The following GALNTL6 variants were observed in gnomAD, a reference collection of about 807,000 sequenced individuals.
GALNTL6 encodes the protein polypeptide N-acetylgalactosaminyltransferase-like 6.
Under a neutral mutation model 73.7 loss-of-function variants are expected in GALNTL6, and 46 were observed. The ratio of observed to expected loss-of-function variants is 0.62; its 90% CI spans 0.49 to 0.80. The LOEUF (loss-of-function observed/expected upper bound fraction) is 0.80, where lower values mean the gene tolerates loss of function less well. Among genes scored for constraint, GALNTL6 ranks in the 30% least tolerant of loss-of-function variants. GALNTL6 has a pLI of 0.00. For missense variants in GALNTL6, 604 were observed against 755.0 expected (o/e 0.80, Z 2.34); for synonymous variants, 259 against 263.7 (o/e 0.98, Z 0.17).
chr4:172,957,513 GCTT>G (rs1474390551), intron 10 of GALNTL6, among the ~76,000 whole-genome samples: 4 of 152,184 alleles, frequency 2.6e-5, no homozygotes, highest in Admixed American at 2.6e-4. Context: ...AACGCTAGCT[GCTT>G]TTTTAGCTAT....
Position 173,020,644 on chromosome 4 carries a change from T to C in GALNTL6, c.1489-832T>C, listed in dbSNP as rs1391278400. On this transcript the variant is annotated intron_variant, in intron 11 of 12. Coordinates refer to ENST00000506823, the MANE Select transcript of GALNTL6 (RefSeq NM_001034845.3). ...CATCAAGCTTAGCTTTCCTTTACAT[T>C]AGGTTTTTCAAGGTGCTAGCATCAA... Among the ~76,000 whole-genome samples, 4 of 152,212 alleles carry C rather than the reference T, an allele frequency of 2.6e-5. No homozygotes were observed. The East Asian group carries it at 7.7e-4, about 29-fold the overall frequency.
chr4:172,638,573 A>G (rs1018369054), intron 5 of GALNTL6, among the ~76,000 whole-genome samples: 2 of 152,142 alleles, frequency 1.3e-5, no homozygotes, highest in African/African-American at 4.8e-5. Context: ...TTTCAGACTC[A>G]TAAAAAGTTG....
At chr4:172,969,609 T>C (rs1398764944) in intron 10 of GALNTL6, among the ~76,000 whole-genome samples, 2 of 152,216 alleles carry the variant, frequency 1.3e-5, no homozygotes, top group African/African-American at 4.8e-5. Context: ...TATACACATT[T>C]TGTACCAGAA....
intron 5 of GALNTL6, among the ~76,000 whole-genome samples, chr4:172,757,784 G>A (rs1218478344): frequency 6.6e-6 from 1 of 152,210 alleles, no homozygotes; most frequent in East Asian, 1.9e-4. Flanking sequence ...CAAATGGAAA[G>A]TAAATGTTGA....
intron 2 of GALNTL6, among the ~76,000 whole-genome samples, chr4:172,039,596 C>T (rs909060020): frequency 6.6e-6 from 1 of 152,076 alleles, no homozygotes; most frequent in Non-Finnish European, 1.5e-5. Flanking sequence ...CAGTTCATAA[C>T]AGTGCAGCTG....
chr4:172,785,780 A>G (rs1301542780), intron 5 of GALNTL6, among the ~76,000 whole-genome samples: 3 of 152,184 alleles, frequency 2.0e-5, no homozygotes, highest in Non-Finnish European at 4.4e-5. Flanking sequence ...AGTCTTATGC[A>G]GAAGGCATTA....
intron 5 of GALNTL6, among the ~76,000 whole-genome samples, chr4:172,688,440 T>C (rs1733061129): frequency 6.6e-6 from 1 of 152,204 alleles, no homozygotes; most frequent in African/African-American, 2.4e-5. Context: ...TCAGGTTTTC[T>C]TCTTGAGAAG....
At chr4:172,143,703 C>G (rs1173607745) in intron 2 of GALNTL6, among the ~76,000 whole-genome samples, 1 of 152,054 alleles carries the variant, frequency 6.6e-6, no homozygotes, top group African/African-American at 2.4e-5. Flanking sequence ...TTCATGAAGT[C>G]TTATCTTGTG....
At chr4:172,333,215 G>A (rs1359224461) in intron 4 of GALNTL6, among the ~76,000 whole-genome samples, 2 of 152,096 alleles carry the variant, frequency 1.3e-5, no homozygotes, top group African/African-American at 4.8e-5. Context: ...AGACCAGCCT[G>A]ACCAACATGG....
At chr4:173,001,505 C>T (rs1333189464) in intron 10 of GALNTL6, among the ~76,000 whole-genome samples, 1 of 151,990 alleles carries the variant, frequency 6.6e-6, no homozygotes, top group Non-Finnish European at 1.5e-5. Context: ...CAAAAGAAAA[C>T]AAATAGATAA....
intron 5 of GALNTL6, among the ~76,000 whole-genome samples, chr4:172,418,264 A>G (rs577294385): frequency 9.9e-5 from 15 of 152,262 alleles, no homozygotes; most frequent in African/African-American, 3.1e-4. Context: ...AGCTTCTTCT[A>G]TGTTCAGCAA....
chr4:172,449,246 C>A (rs1214014536), intron 5 of GALNTL6, among the ~76,000 whole-genome samples: 1 of 152,174 alleles, frequency 6.6e-6, no homozygotes, highest in Non-Finnish European at 1.5e-5. Flanking sequence ...ACCTTCCTAC[C>A]AGGTCATTCC....
At chr4:171,965,657 G>A (rs868338471) in intron 2 of GALNTL6, among the ~76,000 whole-genome samples, 150 of 100,332 alleles carry the variant, frequency 1.5e-3, no homozygotes, top group East Asian at 2.1e-3. Flanking sequence ...CTCCGTCTCA[G>A]AAAAAAAAAA....
At chr4:172,450,198 C>A (rs1732159962) in intron 5 of GALNTL6, among the ~76,000 whole-genome samples, 1 of 143,452 alleles carries the variant, frequency 7.0e-6, no homozygotes, top group South Asian at 2.3e-4. Context: ...GCCTGGGCAA[C>A]AAGAGCGAAA....
chr4:172,261,786 G>T (rs1182685823), intron 3 of GALNTL6, among the ~76,000 whole-genome samples: 1 of 151,318 alleles, frequency 6.6e-6, no homozygotes, highest in Non-Finnish European at 1.5e-5. Flanking sequence ...CAAAGGTTTT[G>T]ATAATTTGTG....
rs1242420126 is a variant in GALNTL6, at chr4:172,948,200, T to C, written c.1150-3837T>C. 2.6e-5 allele frequency among the ~76,000 whole-genome samples: 4 copies of C among 152,202 alleles called. No homozygotes were observed. The East Asian group carries it at 7.7e-4, about 29-fold the overall frequency. ...AATGTCTAATGAGCCAATGGGGACATTAGAGAATGGTCAGGATGTTTTACT... is the reference window on the plus strand; with the variant it reads ...AATGTCTAATGAGCCAATGGGGACACTAGAGAATGGTCAGGATGTTTTACT... On this transcript the variant is annotated intron_variant, in intron 9 of 12. Coordinates refer to ENST00000506823, the MANE Select transcript of GALNTL6 (RefSeq NM_001034845.3).
At chr4:172,367,063 G>A (rs1014940588) in intron 5 of GALNTL6, among the ~76,000 whole-genome samples, 1 of 152,146 alleles carries the variant, frequency 6.6e-6, no homozygotes, top group African/African-American at 2.4e-5. Flanking sequence ...TGAAAGAGTG[G>A]TGGTGGTCCC....
At chr4:172,641,061 A>G (rs1739950389) in intron 5 of GALNTL6, among the ~76,000 whole-genome samples, 1 of 152,040 alleles carries the variant, frequency 6.6e-6, no homozygotes, top group South Asian at 2.1e-4. Context: ...AACTGCTCAC[A>G]TACAATCCAC....
intron 8 of GALNTL6, among the ~76,000 whole-genome samples, chr4:172,892,202 A>G (rs1459601680): frequency 6.6e-6 from 1 of 152,166 alleles, no homozygotes; most frequent in Non-Finnish European, 1.5e-5. Context: ...AATCCTTTGG[A>G]TGTAAAGAAA....
Sources: allele counts gnomAD v4.1 joint callset (sites outside exome capture counted in the v4.1 genomes callset), GRCh38; gene constraint gnomAD v4.1.1; transcripts MANE v1.5; gene names NCBI Gene and HGNC (gene_info 2026-07-23, HGNC 2026-07-21).